MTFR1: variants seen among roughly 807,000 people sequenced by gnomAD.
MTFR1 encodes chondrocyte protein with a poly-proline region.
Under a neutral mutation model 38.8 loss-of-function variants are expected in MTFR1, and 28 were observed. That is an observed-to-expected ratio of 0.72 (90% confidence interval 0.53 to 0.99). MTFR1 has a LOEUF of 0.99. MTFR1 is among the 50% of genes least tolerant of loss of function. The probability of loss-of-function intolerance (pLI) is 0.00; values close to 1 mark genes in which losing one functional copy is unlikely to be tolerated. For synonymous variants in MTFR1, 145 were observed against 137.0 expected (o/e 1.06, Z -0.41); for missense variants, 358 against 395.5 (o/e 0.91, Z 0.81).
intron 4 of MTFR1, among the ~76,000 whole-genome samples, chr8:65,694,397 G>A (rs1805374968): frequency 6.6e-6 from 1 of 151,914 alleles, no homozygotes; most frequent in African/African-American, 2.4e-5. Context: ...TTTTTGTAGA[G>A]ATGAGTTTTC....
intron 3 of MTFR1, chr8:65,725,024 A>C: frequency 1.7e-6 from 1 of 577,376 alleles, no homozygotes; most frequent in South Asian, 4.4e-5. Flanking sequence ...TAGAACCCTA[A>C]AATATCCAAC....
At chr8:65,766,958 A>G (rs1456929753) in intron 3 of MTFR1, among the ~76,000 whole-genome samples, 1 of 152,058 alleles carries the variant, frequency 6.6e-6, no homozygotes, top group African/African-American at 2.4e-5. Flanking sequence ...TAATGCCAAC[A>G]TTTTCAGTTT....
At chr8:65,647,774 A>G (rs922501729) in intron 1 of MTFR1, among the ~76,000 whole-genome samples, 1 of 146,916 alleles carries the variant, frequency 6.8e-6, no homozygotes, top group Non-Finnish European at 1.5e-5. Flanking sequence ...ATTAGATACT[A>G]TTGATAGAAA....
intron 3 of MTFR1, among the ~76,000 whole-genome samples, chr8:65,770,154 TGTGTGTGTGC>T (rs1563499627): frequency 7.5e-6 from 1 of 134,202 alleles, no homozygotes; most frequent in African/African-American, 2.6e-5. Context: ...TGTGTGTGTG[TGTGTGTGTGC>T]CACACCTAAT....
intron 3 of MTFR1, chr8:65,739,588 A>G (rs773177540): frequency 1.3e-6 from 2 of 1,526,712 alleles, no homozygotes; most frequent in Non-Finnish European, 1.7e-6. Context: ...TAAGCTTACT[A>G]GACTATTTCC....
At chr8:65,740,239 G>A (rs1807353610) in intron 3 of MTFR1, among the ~76,000 whole-genome samples, 1 of 152,054 alleles carries the variant, frequency 6.6e-6, no homozygotes, top group African/African-American at 2.4e-5. Context: ...ACACTGCCCA[G>A]CAATCATATT....
chr8:65,713,166 T>A (rs1805999540), downstream of MTFR1, among the ~76,000 whole-genome samples: 1 of 152,110 alleles, frequency 6.6e-6, no homozygotes, highest in Admixed American at 6.6e-5. Flanking sequence ...AGTGGCCGAG[T>A]GCCGTGGCTC....
At chr8:65,723,866 T>C (rs1806495942) in intron 3 of MTFR1, among the ~76,000 whole-genome samples, 1 of 152,168 alleles carries the variant, frequency 6.6e-6, no homozygotes, top group Admixed American at 6.6e-5. Context: ...CACATTAATA[T>C]ACAACCTGAA....
chr8:65,726,905 C>G (rs1466351253), intron 3 of MTFR1: 1 of 1,605,114 alleles, frequency 6.2e-7, no homozygotes, highest in African/African-American at 1.3e-5. Context: ...TGAGAATAAG[C>G]CTGATTCTCT....
chr8:65,740,685 G>C (rs191397071), intron 3 of MTFR1, among the ~76,000 whole-genome samples: 1 of 152,282 alleles, frequency 6.6e-6, no homozygotes, highest in Non-Finnish European at 1.5e-5. Flanking sequence ...ACAGGCGTGA[G>C]CTACCACGCC....
At chr8:65,766,985 TAA>T (rs1482586896) in intron 3 of MTFR1, among the ~76,000 whole-genome samples, 2 of 141,380 alleles carry the variant, frequency 1.4e-5, no homozygotes, top group Non-Finnish European at 3.0e-5. Flanking sequence ...TTGTCAGAAA[TAA>T]GTCTGCTCAT....
intron 1 of MTFR1, among the ~76,000 whole-genome samples, chr8:65,662,044 TCTCTCTCTCC>T (rs1375038774): frequency 1.4e-4 from 5 of 35,108 alleles, no homozygotes; most frequent in Non-Finnish European, 1.8e-4. Flanking sequence ...TCTCTCTCCC[TCTCTCTCTCC>T]CTCTCTCTCT....
chr8:65,649,569 A>G (rs1809060890), intron 1 of MTFR1, among the ~76,000 whole-genome samples: 1 of 152,180 alleles, frequency 6.6e-6, no homozygotes, highest in African/African-American at 2.4e-5. Flanking sequence ...ACAGGCATAT[A>G]ATGTGTAATA....
intron 3 of MTFR1, among the ~76,000 whole-genome samples, chr8:65,747,965 TA>T (rs1337469729): frequency 6.6e-6 from 1 of 152,152 alleles, no homozygotes; most frequent in Non-Finnish European, 1.5e-5. Flanking sequence ...TATTTTATTT[TA>T]TTTTTTTAAG....
intron 1 of MTFR1, among the ~76,000 whole-genome samples, chr8:65,646,763 A>C (rs974044912): frequency 1.3e-5 from 2 of 152,234 alleles, no homozygotes; most frequent in Non-Finnish European, 2.9e-5. Context: ...ATATACATCA[A>C]TGAATAGCCT....
At chr8:65,758,445 C>T (rs1255634919) in intron 3 of MTFR1, among the ~76,000 whole-genome samples, 2 of 152,136 alleles carry the variant, frequency 1.3e-5, no homozygotes, top group Admixed American at 6.5e-5. Context: ...GTGCACTTCT[C>T]CCTTGGCAAG....
At chr8:65,768,121 G>A (rs1034214596) in intron 3 of MTFR1, among the ~76,000 whole-genome samples, 14 of 152,244 alleles carry the variant, frequency 9.2e-5, no homozygotes, top group African/African-American at 3.1e-4. Context: ...TTTGGTCACA[G>A]AAGTCTTCTG....
intron 4 of MTFR1, among the ~76,000 whole-genome samples, chr8:65,699,855 CAT>C (rs1485140689): frequency 6.6e-6 from 1 of 152,128 alleles, no homozygotes; most frequent in Non-Finnish European, 1.5e-5. Context: ...TTCTGCCTCT[CAT>C]ATTTATATTT....
intron 3 of MTFR1, among the ~76,000 whole-genome samples, chr8:65,728,890 A>G (rs1806718370): frequency 6.6e-6 from 1 of 152,240 alleles, no homozygotes; most frequent in African/African-American, 2.4e-5. Context: ...TAAAAATAGG[A>G]ACATGACAAT....
Sources: gnomAD v4.1 joint callset for allele counts (sites outside exome capture counted in the v4.1 genomes callset) on GRCh38, gnomAD v4.1.1 for gene constraint, MANE v1.5 for transcripts, NCBI Gene and HGNC (gene_info 2026-07-23, HGNC 2026-07-21) for gene names.